The following CTNNA3 variants were observed in gnomAD, a reference collection of about 807,000 sequenced individuals.
The protein encoded by CTNNA3 is catenin alpha 3, also known as catenin alpha-3.
CTNNA3 carries 76 observed loss-of-function variants against 95.7 expected under a neutral mutation model. The ratio of observed to expected loss-of-function variants is 0.79; its 90% CI spans 0.66 to 0.96. CTNNA3 has a LOEUF of 0.96. Ranked by LOEUF, CTNNA3 falls within the 40% of genes least tolerant of loss-of-function variation. The pLI is 0.00. For synonymous variants in CTNNA3, 431 were observed against 374.4 expected (o/e 1.15, Z -1.74); for missense variants, 1,191 against 1,089.8 (o/e 1.09, Z -1.31).
chr10:66,579,802 G>C (rs1843126116), intron 10 of CTNNA3, among the ~76,000 whole-genome samples: 1 of 151,638 alleles, frequency 6.6e-6, no homozygotes, highest in South Asian at 2.1e-4. Context: ...CAAAACTATT[G>C]TAATTTTTGC....
At chr10:66,786,796 T>C (rs1840763886) in intron 7 of CTNNA3, among the ~76,000 whole-genome samples, 1 of 151,458 alleles carries the variant, frequency 6.6e-6, no homozygotes, top group South Asian at 2.1e-4. Context: ...AAGAAGAGAG[T>C]TTGTTAAGAA....
intron 5 of CTNNA3, chr10:67,346,669 C>A: frequency 3.9e-6 from 2 of 507,188 alleles, no homozygotes; most frequent in Non-Finnish European, 7.9e-6. Context: ...TTTCTGCAGG[C>A]CTTCCTAATC....
intron 1 of CTNNA3, among the ~76,000 whole-genome samples, chr10:67,675,986 T>C (rs1000712641): frequency 6.6e-6 from 1 of 152,146 alleles, no homozygotes; most frequent in Non-Finnish European, 1.5e-5. Context: ...AATGCAATCA[T>C]AGGGATCAAT....
chr10:67,514,641 G>A (rs1839751046), intron 5 of CTNNA3, among the ~76,000 whole-genome samples: 1 of 151,550 alleles, frequency 6.6e-6, no homozygotes, highest in Non-Finnish European at 1.5e-5. Flanking sequence ...GCACAAATAA[G>A]CACCATATTG....
At chr10:67,657,755 G>A (rs1300648201) in intron 1 of CTNNA3, among the ~76,000 whole-genome samples, 3 of 147,432 alleles carry the variant, frequency 2.0e-5, no homozygotes, top group Admixed American at 6.9e-5. Flanking sequence ...GCTGAGGCAG[G>A]AGAATCACTT....
chr10:67,429,214 T>C (rs1160960107), intron 5 of CTNNA3, among the ~76,000 whole-genome samples: 6 of 152,020 alleles, frequency 3.9e-5, no homozygotes, highest in Admixed American at 3.9e-4. Flanking sequence ...CCTAAAATTA[T>C]CAAAATCAAC....
At position 66,004,511 on chromosome 10, in the gene CTNNA3, A is replaced by G. The variant is rs188000633; in HGVS notation, c.2160-15714T>C. Reference sequence around the variant, plus strand: ...ACATGTAACCTAGTTGTGGGGGTCCATGATCGACCATCCGATGTTCCCTAG... The same window carrying G: ...ACATGTAACCTAGTTGTGGGGGTCCGTGATCGACCATCCGATGTTCCCTAG... On this transcript the variant is annotated intron_variant, in intron 15 of 17. Coordinates refer to ENST00000433211, the MANE Select transcript of CTNNA3 (RefSeq NM_013266.4). Among the ~76,000 whole-genome samples, 34 of 152,290 alleles carry G rather than the reference A, an allele frequency of 2.2e-4. 1 individual carries two copies. The East Asian group carries it at 6.2e-3, about 28-fold the overall frequency.
intron 3 of CTNNA3, among the ~76,000 whole-genome samples, chr10:67,550,642 TTC>T (rs887205040): frequency 9.3e-5 from 14 of 151,214 alleles, no homozygotes; most frequent in Middle Eastern, 3.2e-3. Flanking sequence ...AATAAAGAAA[TTC>T]TTTTATTAAA....
chr10:67,662,399 T>C (rs1281481155), intron 1 of CTNNA3, among the ~76,000 whole-genome samples: 1 of 152,146 alleles, frequency 6.6e-6, no homozygotes, highest in Admixed American at 6.5e-5. Context: ...CTGAAACTGC[T>C]AAAAGTGAAA....
rs34919848 is a variant in CTNNA3 at position 67,127,878 on chromosome 10, C to CTGTG, written c.1047+52435_1047+52438dup. Among the ~76,000 whole-genome samples the CTGTG allele has an allele frequency of 2.9e-4, 44 of 151,230 alleles. No homozygotes were observed. In the South Asian group the frequency reaches 4.6e-3, roughly 16 times the overall value. ...AGACTTTATAATTCTGTGTGTGTGT[C>CTGTG]TGTGTGTGTGTGTGCATGTGCGTGC... On this transcript the variant is annotated intron_variant, in intron 7 of 17. Transcript: ENST00000433211.
chr10:66,131,578 G>A (rs936511659), intron 13 of CTNNA3, among the ~76,000 whole-genome samples: 3 of 151,984 alleles, frequency 2.0e-5, no homozygotes, highest in African/African-American at 7.3e-5. Context: ...CCAAAAAAAG[G>A]CCTGAATAGC....
chr10:67,162,567 T>C (rs527302734), intron 7 of CTNNA3, among the ~76,000 whole-genome samples: 8 of 151,416 alleles, frequency 5.3e-5, no homozygotes, highest in African/African-American at 1.9e-4. Context: ...AAACAGAAAA[T>C]ATCTCACATC....
intron 11 of CTNNA3, among the ~76,000 whole-genome samples, chr10:66,480,615 T>A (rs2441735): frequency 0.57 from 86,167 of 151,868 alleles, 25,425 homozygotes; most frequent in East Asian, 0.81. Flanking sequence ...TTATTTATTT[T>A]TTTTTTTGAG....
chr10:66,357,868 C>A (rs80069451), intron 12 of CTNNA3, among the ~76,000 whole-genome samples: 1 of 152,022 alleles, frequency 6.6e-6, no homozygotes. Flanking sequence ...TAAAAACAGT[C>A]TGACCATTTT....
In CTNNA3 at chr10:66,656,848, G is replaced by T. The variant is rs2132430289; in HGVS notation, c.1282-35064C>A. Among the ~76,000 whole-genome samples the T allele has an allele frequency of 1.3e-5, 2 of 151,930 alleles. 1 individual carries two copies. The highest frequency in any genetic ancestry group is 4.2e-4 in the South Asian group (2 of 4,802). Reference sequence around the variant, plus strand: ...GTTGTTGTTTTTTGTTTTTGTTTTTGTTTTTTGCAATGTAGCCCCTTCCCA... The same window carrying T: ...GTTGTTGTTTTTTGTTTTTGTTTTTTTTTTTTGCAATGTAGCCCCTTCCCA... On this transcript the variant is annotated intron_variant, in intron 9 of 17. Transcript: ENST00000433211.
At position 66,859,155 on chromosome 10, in the gene CTNNA3, C is replaced by A. The variant is rs116363293; in HGVS notation, c.1048-83631G>T. On this transcript the variant is annotated intron_variant, in intron 7 of 17. Transcript: ENST00000433211. The stretch of plus-strand genomic sequence containing the variant: ...TGAAGTATGCTGAGGAATATGGAGA[C>A]TGAGGAGTGTGTATTAAGAAAATCC... Among the ~76,000 whole-genome samples, 638 of 152,034 alleles carry A rather than the reference C, an allele frequency of 4.2e-3. 6 individuals carry two copies. Among genetic ancestry groups the A allele is most frequent in the African/African-American group, 0.015 (608 of 41,482 alleles).
intron 7 of CTNNA3, among the ~76,000 whole-genome samples, chr10:66,780,631 T>C (rs1840495873): frequency 1.3e-5 from 2 of 152,210 alleles, no homozygotes. Flanking sequence ...GTATTTGTCC[T>C]ATGCTTAATT....
intron 12 of CTNNA3, among the ~76,000 whole-genome samples, chr10:66,361,420 C>T (rs955221933): frequency 6.8e-6 from 1 of 146,894 alleles, no homozygotes; most frequent in African/African-American, 2.5e-5. Context: ...CTTCCCTTCC[C>T]TTTCCTTCTT....
chr10:66,268,574 T>C (rs923289710), intron 13 of CTNNA3, among the ~76,000 whole-genome samples: 3 of 152,216 alleles, frequency 2.0e-5, no homozygotes, highest in Non-Finnish European at 4.4e-5. Flanking sequence ...GAGAGCATGA[T>C]ACATTGATGG....
Sources: gnomAD v4.1 joint callset for allele counts (sites outside exome capture counted in the v4.1 genomes callset) on GRCh38, gnomAD v4.1.1 for gene constraint, MANE v1.5 for transcripts, NCBI Gene and HGNC (gene_info 2026-07-23, HGNC 2026-07-21) for gene names.